The following NAV3 variants were observed in gnomAD, a reference collection of about 807,000 sequenced individuals.
NAV3 encodes the protein neuron navigator 3.
In NAV3, 87 loss-of-function variants were observed where a neutral mutation model predicts 244.7. That is an observed-to-expected ratio of 0.36 (90% confidence interval 0.30 to 0.42). The LOEUF (loss-of-function observed/expected upper bound fraction) is 0.42. Among genes scored for constraint, NAV3 ranks in the 20% least tolerant of loss-of-function variants. The pLI, the probability that NAV3 is intolerant of heterozygous loss-of-function variation, is 1.00. For synonymous variants in NAV3, 1,126 were observed against 1,042.2 expected (o/e 1.08, Z -1.55); for missense variants, 2,663 against 2,893.3 (o/e 0.92, Z 1.83).
At chr12:77,910,397 G>C (rs1886461572) in intron 1 of NAV3, among the ~76,000 whole-genome samples, 1 of 152,148 alleles carries the variant, frequency 6.6e-6, no homozygotes, top group East Asian at 1.9e-4. Flanking sequence ...TTACCATAGG[G>C]AGGGCACCAA....
intron 2 of NAV3, among the ~76,000 whole-genome samples, chr12:77,659,931 G>A (rs1873349332): frequency 6.7e-6 from 1 of 150,026 alleles, no homozygotes; most frequent in Non-Finnish European, 1.5e-5. Context: ...GACACAGGAA[G>A]GGGAACATCA....
intron 12 of NAV3, among the ~76,000 whole-genome samples, chr12:78,115,293 G>T (rs1004208489): frequency 6.6e-6 from 1 of 152,100 alleles, no homozygotes; most frequent in Non-Finnish European, 1.5e-5. Flanking sequence ...ACAGGTATGG[G>T]TATCTTTACA....
At chr12:77,926,635 C>G (rs1478490870) in intron 1 of NAV3, among the ~76,000 whole-genome samples, 1 of 152,178 alleles carries the variant, frequency 6.6e-6, no homozygotes, top group Non-Finnish European at 1.5e-5. Context: ...CCATCCACGC[C>G]AGAGGTTCTC....
intron 2 of NAV3, among the ~76,000 whole-genome samples, chr12:77,759,634 A>G (rs1302812506): frequency 6.6e-6 from 1 of 152,238 alleles, no homozygotes; most frequent in Non-Finnish European, 1.5e-5. Context: ...AATTTCATTA[A>G]TATAGTTACC....
chr12:77,945,856 T>C (rs1890285625), intron 3 of NAV3, among the ~76,000 whole-genome samples: 1 of 151,694 alleles, frequency 6.6e-6, no homozygotes, highest in African/African-American at 2.4e-5. Context: ...CAAGCAATTC[T>C]CCCTGCCTCA....
chr12:77,855,317 A>G (rs1167760307), intron 1 of NAV3, among the ~76,000 whole-genome samples: 4 of 152,148 alleles, frequency 2.6e-5, no homozygotes, highest in Non-Finnish European at 5.9e-5. Flanking sequence ...ATAATCATCA[A>G]ATATTGTCTG....
At chr12:78,092,552 TG>T (rs1480326439) in intron 12 of NAV3, among the ~76,000 whole-genome samples, 1 of 144,432 alleles carries the variant, frequency 6.9e-6, no homozygotes, top group Non-Finnish European at 1.5e-5. Flanking sequence ...CAGGCTGTAG[TG>T]CAGTGGTGCG....
rs149780040 is a variant in NAV3, at chr12:78,190,024, G to A, written c.6096G>A (p.Thr2032=). ...GTTTGGACAGTTTTGTTTTTGATAC[G>A]CTGATTCCTAAACCAATTACCCAAA... ...ENSLDSFVFD[T]LIPKPITQRY... is the part of the protein sequence containing the mutation. Residue 2032 remains threonine, a synonymous_variant, in exon 34 of 40, where the codon ACG becomes ACA. Transcript: ENST00000397909. 4.2e-5 allele frequency: 67 copies of A among 1,612,840 alleles called. No homozygotes were observed. The East Asian group carries it at 9.8e-4, about 24-fold the overall frequency.
chr12:77,618,784 A>G (rs1371858678), intron 2 of NAV3, among the ~76,000 whole-genome samples: 1 of 152,230 alleles, frequency 6.6e-6, no homozygotes, highest in East Asian at 1.9e-4. Context: ...GGAAGAAGAT[A>G]GGAAGGAAGA....
At chr12:78,087,860 T>A (rs189005142) in intron 12 of NAV3, among the ~76,000 whole-genome samples, 1 of 152,002 alleles carries the variant, frequency 6.6e-6, no homozygotes, top group African/African-American at 2.4e-5. Context: ...TTATAGCAGA[T>A]TAATTTGAAT....
At chr12:77,887,854 C>T (rs1289619819) in intron 1 of NAV3, among the ~76,000 whole-genome samples, 1 of 151,920 alleles carries the variant, frequency 6.6e-6, no homozygotes, top group Non-Finnish European at 1.5e-5. Flanking sequence ...CATTATCCAA[C>T]AAAGCAATAA....
At chr12:78,157,176 A>G (rs1053378723) in intron 22 of NAV3, among the ~76,000 whole-genome samples, 1 of 152,104 alleles carries the variant, frequency 6.6e-6, no homozygotes, top group African/African-American at 2.4e-5. Context: ...GAATGCATGA[A>G]TGTTCACTAT....
chr12:77,901,776 G>C (rs1885327274), intron 1 of NAV3, among the ~76,000 whole-genome samples: 1 of 152,126 alleles, frequency 6.6e-6, no homozygotes, highest in Admixed American at 6.6e-5. Flanking sequence ...ATGGCTGCCT[G>C]TTGATACCAG....
At chr12:77,678,797 A>G (rs1670433952) in intron 2 of NAV3, among the ~76,000 whole-genome samples, 1 of 151,982 alleles carries the variant, frequency 6.6e-6, no homozygotes, top group African/African-American at 2.4e-5. Context: ...ATGGTACCCT[A>G]AGAAGTAGAG....
At chr12:77,696,711 C>T (rs1875317132) in intron 2 of NAV3, among the ~76,000 whole-genome samples, 1 of 152,134 alleles carries the variant, frequency 6.6e-6, no homozygotes, top group Non-Finnish European at 1.5e-5. Context: ...ATAAATAGAA[C>T]AGAGTTGCAT....
chr12:77,679,503 A>G (rs1351734292), intron 2 of NAV3, among the ~76,000 whole-genome samples: 1 of 152,122 alleles, frequency 6.6e-6, no homozygotes, highest in Non-Finnish European at 1.5e-5. Flanking sequence ...GCAGGGGTAC[A>G]TACATAAGTC....
At chr12:78,112,063 C>T (rs1299892704) in intron 12 of NAV3, among the ~76,000 whole-genome samples, 1 of 152,160 alleles carries the variant, frequency 6.6e-6, no homozygotes, top group African/African-American at 2.4e-5. Context: ...AGCCTTTTTG[C>T]AGGCTATTAG....
At chr12:78,002,830 T>C (rs1220614351) in intron 7 of NAV3, among the ~76,000 whole-genome samples, 1 of 151,954 alleles carries the variant, frequency 6.6e-6, no homozygotes, top group East Asian at 1.9e-4. Flanking sequence ...TAAATATATG[T>C]ATATATCTAT....
At chr12:77,922,702 G>A (rs2137193326) in intron 1 of NAV3, among the ~76,000 whole-genome samples, 1 of 152,206 alleles carries the variant, frequency 6.6e-6, no homozygotes, top group South Asian at 2.1e-4. Context: ...ATAATAATGA[G>A]TGTTTTTATT....
Sources: gnomAD v4.1 joint callset for allele counts (sites outside exome capture counted in the v4.1 genomes callset) on GRCh38, gnomAD v4.1.1 for gene constraint, MANE v1.5 for transcripts, NCBI Gene and HGNC (gene_info 2026-07-23, HGNC 2026-07-21) for gene names.